SMIM27: variants seen among roughly 807,000 people sequenced by gnomAD.
SMIM27 encodes the protein TOPORS antisense RNA 1 (non-protein coding).
In SMIM27, 3 loss-of-function variants were observed where a neutral mutation model predicts 1.8. The observed-to-expected ratio is 1.65, with a 90% CI of 0.75 to 4.28. SMIM27 has a LOEUF of 4.28. Among genes scored for constraint, SMIM27 ranks in the 30% most tolerant of loss-of-function variants. SMIM27 has a pLI of 0.02. For missense variants in SMIM27, 63 were observed against 37.0 expected (o/e 1.70, Z -1.83); for synonymous variants, 19 against 13.9 (o/e 1.37, Z -0.82).
At chr9:32,558,855 A>C (rs1349978983) in intron 1 of SMIM27, 1 of 1,253,868 alleles carries the variant, frequency 8.0e-7, no homozygotes, top group Non-Finnish European at 1.1e-6. Flanking sequence ...GAAAGGGAGG[A>C]AAAGGAAAGA....
downstream of SMIM27, chr9:32,553,674 G>T (rs1178784901): frequency 3.8e-6 from 2 of 519,786 alleles, no homozygotes; most frequent in Non-Finnish European, 6.9e-6. Context: ...AGAAAAAGTA[G>T]GTAGTCTCTC....
At position 32,552,958 on chromosome 9, in the gene SMIM27, T is replaced by A. The variant is rs1173501039; in HGVS notation, c.*35T>A. On this transcript the variant is annotated 3_prime_UTR_variant, in exon 2 of 2. Transcript: ENST00000692500. ...ATTTAATTATCTGAAAATACAGTTC[T>A]TTCCCTCATGCTTATGTAGATATAA... The A allele has an allele frequency of 1.5e-6, 1 of 688,636 alleles. No homozygotes were observed. The highest frequency in any genetic ancestry group is 2.6e-6 in the Non-Finnish European group (1 of 378,840). 42.7% of individuals were successfully genotyped at this position (688,636 alleles called of 1,614,324 possible).
chr9:32,552,516 C>G, intron 1 of SMIM27, 37 bp downstream of exon 1: 2 of 1,558,240 alleles, frequency 1.3e-6, no homozygotes, highest in Non-Finnish European at 1.7e-6. Context: ...ACCGTGTCGA[C>G]TCACTGGGCC....
chr9:32,551,748 G>A, upstream of SMIM27: 2 of 440,630 alleles, frequency 4.5e-6, no homozygotes, highest in Non-Finnish European at 9.3e-6. Flanking sequence ...ACGCGCGGCA[G>A]TTCAAGAACA....
In SMIM27 at chr9:32,561,155, T is replaced by C. The variant is rs1007194817; in HGVS notation, c.46-5236T>C. On this transcript the variant is annotated intron_variant, in intron 1 of 1. Coordinates refer to the SMIM27 transcript ENST00000451672. ...TAGATATACAAATTGTTAGCCCTTT[T>C]TAATAGTTGTAGAGAGAGTTTGTGT... is the stretch of plus-strand genomic sequence containing the variant. 7.2e-5 allele frequency among the ~76,000 whole-genome samples: 11 copies of C among 152,318 alleles called. No homozygotes were observed. In the East Asian group the frequency reaches 2.1e-3, roughly 29 times the overall value.
chr9:32,557,629 G>A (rs527474215), downstream of SMIM27, among the ~76,000 whole-genome samples: 16 of 151,140 alleles, frequency 1.1e-4, no homozygotes, highest in African/African-American at 3.9e-4. Flanking sequence ...ACAGGTGCCC[G>A]CCACCACGCA....
At chr9:32,566,382 GT>G in intron 1 of SMIM27, 1 of 1,073,244 alleles carries the variant, frequency 9.3e-7, no homozygotes, top group Non-Finnish European at 1.5e-6. Flanking sequence ...TTTCCACTAT[GT>G]GATCCAGGTT....
At chr9:32,563,696 CT>C (rs1228876976) in intron 1 of SMIM27, among the ~76,000 whole-genome samples, 1 of 152,062 alleles carries the variant, frequency 6.6e-6, no homozygotes, top group Non-Finnish European at 1.5e-5. Flanking sequence ...GGTAATTTTT[CT>C]AATTCTATCA....
chr9:32,563,228 C>T (rs1184995087), intron 1 of SMIM27, among the ~76,000 whole-genome samples: 4 of 152,136 alleles, frequency 2.6e-5, no homozygotes, highest in Admixed American at 2.0e-4. Flanking sequence ...ACTAAGGTGG[C>T]GTCTGCCAGA....
rs1821522651 is a variant in SMIM27, at chr9:32,558,134, C to T, written c.45+5655C>T. On this transcript the variant is annotated intron_variant, in intron 1 of 1. Coordinates refer to the SMIM27 transcript ENST00000451672. ...TAGTATACATTTTTTTTTTTTGAGACGGAGTCTCGCTCTGTCACCCAGGCT... is the reference window on the plus strand; with the variant it reads ...TAGTATACATTTTTTTTTTTTGAGATGGAGTCTCGCTCTGTCACCCAGGCT... Among the ~76,000 whole-genome samples the T allele has an allele frequency of 1.3e-4, 5 of 38,642 alleles. No homozygotes were observed. In the South Asian group the frequency reaches 4.5e-3, roughly 35 times the overall value. 25.4% of individuals were successfully genotyped at this position (38,642 alleles called of 152,430 possible).
chr9:32,558,991 T>C (rs1821553799), intron 1 of SMIM27: 3 of 1,450,576 alleles, frequency 2.1e-6, no homozygotes, highest in African/African-American at 1.4e-5. Context: ...ATTATGGTGT[T>C]AAGAGTTTCT....
At chr9:32,556,650 C>T (rs1000384633), downstream of SMIM27, among the ~76,000 whole-genome samples, 4 of 152,138 alleles carry the variant, frequency 2.6e-5, no homozygotes, top group Admixed American at 2.6e-4. Context: ...CTGATATGGT[C>T]TTCTGAATAG....
chr9:32,566,410 A>G (rs1821790667), exon 2 of SMIM27: 2 of 892,430 alleles, frequency 2.2e-6, no homozygotes, highest in Admixed American at 3.4e-5. Context: ...CCAGAAGAGG[A>G]GCCTGCTCTC....
downstream of SMIM27, among the ~76,000 whole-genome samples, chr9:32,556,406 G>A (rs1821456307): frequency 6.6e-6 from 1 of 152,234 alleles, no homozygotes; most frequent in Non-Finnish European, 1.5e-5. Context: ...ATATTCGATA[G>A]GCACGGCTGT....
chr9:32,559,041 T>C, intron 1 of SMIM27: 1 of 889,498 alleles, frequency 1.1e-6, no homozygotes. Flanking sequence ...AATTTTAACT[T>C]AAGCTCCAAA....
downstream of SMIM27, among the ~76,000 whole-genome samples, chr9:32,557,636 C>T (rs898223268): frequency 7.3e-5 from 11 of 151,494 alleles, no homozygotes; most frequent in Non-Finnish European, 2.9e-5. Flanking sequence ...CCCGCCACCA[C>T]GCACGGTAAT....
chr9:32,554,186 G>A (rs200433752), downstream of SMIM27, among the ~76,000 whole-genome samples: 103 of 152,262 alleles, frequency 6.8e-4, no homozygotes, highest in African/African-American at 2.2e-3. Flanking sequence ...AAAAGGGCAC[G>A]AAAATTGTGT....
chr9:32,558,963 A>ATT (rs1315640210), intron 1 of SMIM27: 11 of 1,572,976 alleles, frequency 7.0e-6, no homozygotes, highest in Non-Finnish European at 9.6e-6. Context: ...TCCTGTAATA[A>ATT]AAGTTAACTC....
In SMIM27 at chr9:32,552,488, C is replaced by T. The variant is rs867404392; in HGVS notation, c.45+9C>T. 7.6e-6 allele frequency: 12 copies of T among 1,580,288 alleles called. No homozygotes were observed. In the Admixed American group the frequency reaches 1.1e-4, roughly 14 times the overall value. ...ACTGGATTTATTCAGTGGTAAGTCCCGGGGATCGCGGGCCCCCACCGTGTC... is the reference window on the plus strand; with the variant it reads ...ACTGGATTTATTCAGTGGTAAGTCCTGGGGATCGCGGGCCCCCACCGTGTC... On this transcript the variant is annotated intron_variant, in intron 1 of 1. Coordinates refer to ENST00000692500, the MANE Select transcript of SMIM27 (RefSeq NM_001387564.1).
Sources: gnomAD v4.1 joint callset for allele counts (sites outside exome capture counted in the v4.1 genomes callset) on GRCh38, gnomAD v4.1.1 for gene constraint, MANE v1.5 for transcripts, NCBI Gene and HGNC (gene_info 2026-07-23, HGNC 2026-07-21) for gene names.